Variants in LPCAT1 observed in about 807,000 individuals in gnomAD.
LPCAT1 encodes lysophosphatidylcholine acyltransferase 1.
Under a neutral mutation model 60.9 loss-of-function variants are expected in LPCAT1, and 23 were observed. That is an observed-to-expected ratio of 0.38 (90% CI 0.27 to 0.53). The LOEUF is 0.53. Among genes scored for constraint, LPCAT1 ranks in the 20% least tolerant of loss-of-function variants. The probability of loss-of-function intolerance (pLI) is 0.82; values close to 1 mark genes in which losing one functional copy is unlikely to be tolerated. For missense variants in LPCAT1, 622 were observed against 723.6 expected (o/e 0.86, Z 1.61); for synonymous variants, 340 against 301.1 (o/e 1.13, Z -1.34).
chr5:1,504,160 T>A (rs1736111280), intron 1 of LPCAT1, among the ~76,000 whole-genome samples: 1 of 152,258 alleles, frequency 6.6e-6, no homozygotes, highest in Non-Finnish European at 1.5e-5. Context: ...GATAGTCACA[T>A]TTAGAACACA....
In LPCAT1 at chr5:1,522,421, C is replaced by T. The variant is rs556220165; in HGVS notation, c.135+1289G>A. ...GGCGGCAGAGGGGCCGGCACCGCCC[C>T]AGCCCCAGAGTCCAGCTCCCGACAC... On this transcript the variant is annotated intron_variant, in intron 1 of 13. Transcript: ENST00000283415. This position sits in a 1 kb window ranked among gnomAD's most constrained non-coding sequence, Gnocchi z 6.8. Among the ~76,000 whole-genome samples, 1 of 152,238 alleles carries T rather than the reference C, an allele frequency of 6.6e-6. No individual in the cohort carries two copies. The highest frequency in any genetic ancestry group is 2.1e-4 in the South Asian group (1 of 4,824).
At position 1,472,450 on chromosome 5, in the gene LPCAT1, G is replaced by A. The variant is rs539853923; in HGVS notation, c.1179+1507C>T. Among the ~76,000 whole-genome samples, 6 of 136,038 alleles carry A rather than the reference G, an allele frequency of 4.4e-5. No individual in the cohort carries two copies. The South Asian group carries it at 7.5e-4, about 17-fold the overall frequency. 89.2% of individuals were successfully genotyped at this position (136,038 alleles called of 152,430 possible). On this transcript the variant is annotated intron_variant, in intron 11 of 13. Coordinates refer to ENST00000283415, the MANE Select transcript of LPCAT1 (RefSeq NM_024830.5). Reference sequence around the variant, plus strand: ...ACTGGGACTGGGGCTTGGGTGTCTGGCAGGTGGAAATGACTACAAGTCCCT... The same window carrying A: ...ACTGGGACTGGGGCTTGGGTGTCTGACAGGTGGAAATGACTACAAGTCCCT...
Position 1,477,326 on chromosome 5 carries a change from C to A in LPCAT1, c.899+78G>T. On this transcript the variant is annotated intron_variant, in intron 9 of 13. Coordinates refer to ENST00000283415, the MANE Select transcript of LPCAT1 (RefSeq NM_024830.5). The surrounding 1 kb of genome is among the most constrained non-coding windows in gnomAD (Gnocchi z 6.0). ...AGAATGCCTTTTCCTAACGCTGTTGCCTATTTTAAATATACAGAGAGCAGC... is the reference window on the plus strand; with the variant it reads ...AGAATGCCTTTTCCTAACGCTGTTGACTATTTTAAATATACAGAGAGCAGC... The A allele has an allele frequency of 1.7e-6, 2 of 1,181,926 alleles. No individual in the cohort carries two copies. The highest frequency in any genetic ancestry group is 2.5e-6 in the Non-Finnish European group (2 of 809,096). The allele number at this position is 1,181,926 out of a possible 1,614,324, so 73.2% of individuals were successfully genotyped here.
At chr5:1,470,765 G>T in intron 12 of LPCAT1, 61 bp downstream of exon 12, 1 of 1,250,150 alleles carries the variant, frequency 8.0e-7, no homozygotes, top group Non-Finnish European at 1.1e-6. Context: ...AATGAACAAT[G>T]GTGCTGACGT....
chr5:1,462,142 C>T lies in LPCAT1; in HGVS notation c.*1509G>A, dbSNP rs1734122089. 1 of 152,526 alleles carries T rather than the reference C, an allele frequency of 6.6e-6. No homozygotes were observed. 9.4% of individuals were successfully genotyped at this position (152,526 alleles called of 1,614,324 possible). A position where few individuals can be genotyped will look rare whatever the true frequency, so the allele number is the denominator to read the frequency against. ...CTGAGGAAGTTAGTAAACATTTTTTCCCGTACTTACTGGCCTTGGTGGTCA... is the reference window on the plus strand; with the variant it reads ...CTGAGGAAGTTAGTAAACATTTTTTTCCGTACTTACTGGCCTTGGTGGTCA... On this transcript the variant is annotated 3_prime_UTR_variant, in exon 14 of 14. Coordinates refer to ENST00000283415, the MANE Select transcript of LPCAT1 (RefSeq NM_024830.5).
chr5:1,473,546 C>A (rs1431719644), intron 11 of LPCAT1, among the ~76,000 whole-genome samples: 2 of 152,216 alleles, frequency 1.3e-5, no homozygotes, highest in Non-Finnish European at 2.9e-5. Flanking sequence ...CCTCCCACAC[C>A]CACAGGCTGG....
chr5:1,487,254 G>A lies in LPCAT1; in HGVS notation c.667+1137C>T, dbSNP rs1383060179. Among the ~76,000 whole-genome samples the A allele has an allele frequency of 2.6e-5, 4 of 152,234 alleles. No homozygotes were observed. The highest frequency in any genetic ancestry group is 5.9e-5 in the Non-Finnish European group (4 of 68,042). ...TTCACCAAGGTTGCCCACAGGCCAC[G>A]CCCAGGCACGGACCCAGTGTGGTGG... On this transcript the variant is annotated intron_variant, in intron 5 of 13. Transcript: ENST00000283415. The surrounding 1 kb of genome is among the most constrained non-coding windows in gnomAD (Gnocchi z 6.1).
chr5:1,489,375 CAG>C (rs1735486042), intron 4 of LPCAT1, among the ~76,000 whole-genome samples: 1 of 152,224 alleles, frequency 6.6e-6, no homozygotes, highest in Admixed American at 6.5e-5. Flanking sequence ...AACCAGCATA[CAG>C]ACCAGGAAGT....
At chr5:1,500,348 C>T (rs1735959942) in intron 2 of LPCAT1, among the ~76,000 whole-genome samples, 1 of 152,258 alleles carries the variant, frequency 6.6e-6, no homozygotes, top group African/African-American at 2.4e-5. Context: ...AGTGAAAGCA[C>T]AGCTTTAGGA....
Position 1,480,562 on chromosome 5 carries a change from C to T in LPCAT1, c.761+380G>A, listed in dbSNP as rs1383406649. Among the ~76,000 whole-genome samples the T allele has an allele frequency of 2.0e-5, 3 of 152,096 alleles. No homozygotes were observed. Among genetic ancestry groups the T allele is most frequent in the Non-Finnish European group, 2.9e-5 (2 of 68,004 alleles). ...GACACTGACTCACAGCAGGGGCTGG[C>T]CTCCCACCCAGCACTACTCAGTCTC... is the stretch of plus-strand genomic sequence containing the variant. On this transcript the variant is annotated intron_variant, in intron 7 of 13. Coordinates refer to ENST00000283415, the MANE Select transcript of LPCAT1 (RefSeq NM_024830.5). The surrounding 1 kb of genome is among the most constrained non-coding windows in gnomAD (Gnocchi z 6.4).
chr5:1,473,474 C>T (rs1489933931), intron 11 of LPCAT1, among the ~76,000 whole-genome samples: 1 of 152,240 alleles, frequency 6.6e-6, no homozygotes, highest in South Asian at 2.1e-4. Context: ...TCAATTACGA[C>T]GAGGACCTGG....
At chr5:1,517,626 T>G (rs1478565872) in intron 1 of LPCAT1, among the ~76,000 whole-genome samples, 2 of 151,924 alleles carry the variant, frequency 1.3e-5, no homozygotes, top group African/African-American at 4.8e-5. Context: ...GGCCACTTTT[T>G]CAGGCACAAA....
Position 1,483,690 on chromosome 5 carries a change from G to A in LPCAT1, c.668-204C>T, listed in dbSNP as rs188684716. On this transcript the variant is annotated intron_variant, in intron 5 of 13. Transcript: ENST00000283415. The surrounding 1 kb of genome is among the most constrained non-coding windows in gnomAD (Gnocchi z 9.2). ...CACAGCACGGATGGGCAGGAACATC[G>A]GCCAGGGGCGCTCCCCGGCCAAGGA... Among the ~76,000 whole-genome samples the A allele has an allele frequency of 1.3e-5, 2 of 152,236 alleles. No homozygotes were observed. The highest frequency in any genetic ancestry group is 2.1e-4 in the South Asian group (1 of 4,830).
chr5:1,472,501 G>T (rs1048113839), intron 11 of LPCAT1, among the ~76,000 whole-genome samples: 7 of 152,068 alleles, frequency 4.6e-5, no homozygotes, highest in African/African-American at 1.5e-4. Context: ...TCGGGCTGGG[G>T]GTCTGAGGTC....
rs1384897370 is a variant in LPCAT1, at chr5:1,501,481, C to A, written c.258G>T (p.Gln86His). The change falls in exon 2 of 14, where the codon CAG becomes CAT. Residue 86 changes from glutamine (Q) to histidine (H), a missense_variant. Gln to His is a conservative substitution (Grantham distance 24). This residue lies in a region of LPCAT1 where 125 missense variants were observed against 114.5 expected (regional missense o/e 1.09). Coordinates refer to ENST00000283415, the MANE Select transcript of LPCAT1 (RefSeq NM_024830.5). ...SLGSAEKEPE[Q>H]PPALWRKVVD... ...CTTACTTCCTCCACAGGGCCGGGGG[C>A]TGCTCGGGTTCCTTCTCCGCAGAGC... 7.4e-6 allele frequency: 12 copies of A among 1,613,086 alleles called. No homozygotes were observed. The highest frequency in any genetic ancestry group is 1.0e-5 in the Non-Finnish European group (12 of 1,179,744).
chr5:1,506,904 A>G (rs796571723), intron 1 of LPCAT1, among the ~76,000 whole-genome samples: 19 of 152,208 alleles, frequency 1.2e-4, no homozygotes, highest in African/African-American at 4.6e-4. Flanking sequence ...TCCTCACCCA[A>G]GCAAGGCCCA....
At chr5:1,486,676 G>A (rs538427846) in intron 5 of LPCAT1, among the ~76,000 whole-genome samples, 27 of 152,118 alleles carry the variant, frequency 1.8e-4, no homozygotes, top group South Asian at 6.2e-4. Context: ...TCAGGATCAC[G>A]CACCACACAC....
At chr5:1,489,904 C>G (rs72717531) in intron 3 of LPCAT1, 46 bp from the exon 4 acceptor site, 213,712 of 1,390,100 alleles carry the variant, frequency 0.15, 18,625 homozygotes, top group Middle Eastern at 0.2. Context: ...GCACGGCTCC[C>G]GCCAGGCAGG....
At chr5:1,501,701 A>G (rs1736015922) in intron 1 of LPCAT1, 98 bp from the exon 2 acceptor site, 2 of 1,245,000 alleles carry the variant, frequency 1.6e-6, no homozygotes, top group Non-Finnish European at 2.3e-6. Flanking sequence ...CGCGCCCCAC[A>G]GAGTGGAGAG....
Sources: allele counts gnomAD v4.1 joint callset (sites outside exome capture counted in the v4.1 genomes callset), GRCh38; gene constraint gnomAD v4.1.1; regional missense constraint gnomAD v4.1.1; non-coding constraint Gnocchi (gnomAD v3.1); transcripts MANE v1.5; gene names NCBI Gene and HGNC (gene_info 2026-07-23, HGNC 2026-07-21).